IGF1R: variants seen among roughly 807,000 people sequenced by gnomAD.
The protein encoded by IGF1R is insulin like growth factor 1 receptor, also known as insulin-like growth factor 1 receptor.
In IGF1R, 44 loss-of-function variants were observed where a neutral mutation model predicts 144.6. The ratio of observed to expected loss-of-function variants is 0.30; its 90% CI spans 0.24 to 0.39. IGF1R has a LOEUF of 0.39. Among genes scored for constraint, IGF1R ranks in the 10% least tolerant of loss-of-function variants. The pLI, the probability that IGF1R is intolerant of heterozygous loss-of-function variation, is 1.00. For synonymous variants in IGF1R, 795 were observed against 722.8 expected (o/e 1.10, Z -1.60); for missense variants, 1,355 against 1,833.7 (o/e 0.74, Z 4.77).
At chr15:98,674,714 GTCTC>G (rs2052988338) in intron 1 of IGF1R, among the ~76,000 whole-genome samples, 1 of 152,040 alleles carries the variant, frequency 6.6e-6, no homozygotes, top group Admixed American at 6.5e-5. Flanking sequence ...TAAGTTTTCT[GTCTC>G]TCTATAAAAG....
Position 98,962,970 on chromosome 15 carries a change from G to A in IGF1R, c.*5528G>A, listed in dbSNP as rs113588178. Reference sequence around the variant, plus strand: ...TTTTATGTCCCACGTGTGTGTGTCCGCATCTTTCTGGTCAACATTGTTTTA... The same window carrying A: ...TTTTATGTCCCACGTGTGTGTGTCCACATCTTTCTGGTCAACATTGTTTTA... On this transcript the variant is annotated 3_prime_UTR_variant, in exon 21 of 21. Coordinates refer to ENST00000650285, the MANE Select transcript of IGF1R (RefSeq NM_000875.5). The A allele has an allele frequency of 2.6e-3, 598 of 233,584 alleles. 7 individuals are homozygous for A. The highest frequency in any genetic ancestry group is 0.012 in the African/African-American group (535 of 45,430). 14.5% of individuals were successfully genotyped at this position (233,584 alleles called of 1,614,324 possible). A position where few individuals can be genotyped will look rare whatever the true frequency, so the allele number is the denominator to read the frequency against.
In IGF1R at chr15:98,649,477, C is replaced by CT; in HGVS notation, c.-104dup. Reference sequence around the variant, plus strand: ...CTTGTTTTTGGAGGGGGAGCGAAGACTGAGTTTGAGACTTGTTTCCTTTCA... The same window carrying CT: ...CTTGTTTTTGGAGGGGGAGCGAAGACTTGAGTTTGAGACTTGTTTCCTTTCA... On this transcript the variant is annotated 5_prime_UTR_variant, in exon 1 of 21. Transcript: ENST00000650285. 1 of 807,416 alleles carries CT rather than the reference C, an allele frequency of 1.2e-6. No homozygotes were observed. Among genetic ancestry groups the CT allele is most frequent in the East Asian group, 2.7e-5 (1 of 36,540 alleles). 50.0% of individuals were successfully genotyped at this position (807,416 alleles called of 1,614,324 possible). A position where few individuals can be genotyped will look rare whatever the true frequency, so the allele number is the denominator to read the frequency against.
Position 98,807,034 on chromosome 15 carries a change from G to A in IGF1R, c.641-84291G>A, listed in dbSNP as rs189583815. On this transcript the variant is annotated intron_variant, in intron 2 of 20. Coordinates refer to ENST00000650285, the MANE Select transcript of IGF1R (RefSeq NM_000875.5). ...AAAAGAAAATTGGAGAATTTATAACGTCTGATGTGACCTGTTCTTTAGGTG... is the reference window on the plus strand; with the variant it reads ...AAAAGAAAATTGGAGAATTTATAACATCTGATGTGACCTGTTCTTTAGGTG... 1.9e-3 allele frequency among the ~76,000 whole-genome samples: 291 copies of A among 152,226 alleles called. 3 individuals are homozygous for A. Among genetic ancestry groups the A allele is most frequent in the African/African-American group, 6.7e-3 (280 of 41,534 alleles).
intron 2 of IGF1R, among the ~76,000 whole-genome samples, chr15:98,780,115 TAACA>T (rs971639824): frequency 2.0e-5 from 3 of 151,040 alleles, no homozygotes; most frequent in African/African-American, 7.3e-5. Flanking sequence ...ATTTATGTAA[TAACA>T]AACATTCGCA....
intron 2 of IGF1R, among the ~76,000 whole-genome samples, chr15:98,854,538 A>C (rs374972901): frequency 2.0e-5 from 3 of 152,290 alleles, no homozygotes; most frequent in African/African-American, 7.2e-5. Flanking sequence ...TCAGGGTGGC[A>C]GGGTGAATTC....
intron 2 of IGF1R, among the ~76,000 whole-genome samples, chr15:98,875,365 T>TA (rs2013010172): frequency 6.6e-6 from 1 of 150,752 alleles, no homozygotes. Context: ...TTTTTTTTTT[T>TA]AGGTGACTTG....
chr15:98,691,018 A>G (rs897084007), intron 1 of IGF1R, among the ~76,000 whole-genome samples: 3 of 152,226 alleles, frequency 2.0e-5, no homozygotes, highest in African/African-American at 7.2e-5. Context: ...GCGATAGTCT[A>G]GAGAGATCCC....
chr15:98,757,284 C>T (rs1308494007), intron 2 of IGF1R, among the ~76,000 whole-genome samples: 1 of 152,088 alleles, frequency 6.6e-6, no homozygotes, highest in Non-Finnish European at 1.5e-5. Flanking sequence ...CTGCCTCAGC[C>T]TCCTGAGTAG....
chr15:98,696,149 A>G (rs1053204432), intron 1 of IGF1R, among the ~76,000 whole-genome samples: 3 of 151,622 alleles, frequency 2.0e-5, no homozygotes. Flanking sequence ...TTTGCACCCA[A>G]GTGTCCAAAT....
At chr15:98,937,737 C>G (rs762902346) in intron 17 of IGF1R, among the ~76,000 whole-genome samples, 1 of 152,186 alleles carries the variant, frequency 6.6e-6, no homozygotes, top group African/African-American at 2.4e-5. Context: ...TTTCTCCATG[C>G]TTAAAGTTGA....
chr15:98,959,686 G>T lies in IGF1R; in HGVS notation c.*2244G>T, dbSNP rs145822592. ...TCACCAGAGAGATGACAGCACAAGA[G>T]TTGCTTCTGGGATAGAAATGTTTAG... is the stretch of plus-strand genomic sequence containing the variant. On this transcript the variant is annotated 3_prime_UTR_variant, in exon 21 of 21. Transcript: ENST00000650285. The T allele has an allele frequency of 3.9e-5, 9 of 233,682 alleles. No homozygotes were observed. Among genetic ancestry groups the T allele is most frequent in the Non-Finnish European group, 6.8e-5 (8 of 118,020 alleles). 14.5% of individuals were successfully genotyped at this position (233,682 alleles called of 1,614,324 possible). A position where few individuals can be genotyped will look rare whatever the true frequency, so the allele number is the denominator to read the frequency against.
chr15:98,905,433 A>G (rs1283501434), intron 5 of IGF1R, among the ~76,000 whole-genome samples: 1 of 151,988 alleles, frequency 6.6e-6, no homozygotes, highest in South Asian at 2.1e-4. Flanking sequence ...ATGGCAAGGC[A>G]TTGCTTGAGC....
chr15:98,662,647 T>G (rs573332430), intron 1 of IGF1R, among the ~76,000 whole-genome samples: 1 of 152,138 alleles, frequency 6.6e-6, no homozygotes, highest in African/African-American at 2.4e-5. Flanking sequence ...GCTATGAGTT[T>G]AGTGCTAAGT....
intron 2 of IGF1R, among the ~76,000 whole-genome samples, chr15:98,804,404 G>A (rs1175120687): frequency 4.6e-5 from 7 of 152,156 alleles, no homozygotes; most frequent in Non-Finnish European, 8.8e-5. Flanking sequence ...TGGGACTAAG[G>A]CAAGGAATTT....
At chr15:98,714,786 CAT>C (rs1388369374) in intron 2 of IGF1R, among the ~76,000 whole-genome samples, 2 of 152,164 alleles carry the variant, frequency 1.3e-5, no homozygotes, top group Non-Finnish European at 2.9e-5. Context: ...AGACTTCACT[CAT>C]GTGATGTGCA....
intron 2 of IGF1R, among the ~76,000 whole-genome samples, chr15:98,739,555 A>G (rs1277663067): frequency 1.3e-5 from 2 of 152,160 alleles, no homozygotes; most frequent in African/African-American, 4.8e-5. Context: ...TACTGCCTTT[A>G]TGAGATGATT....
intron 2 of IGF1R, among the ~76,000 whole-genome samples, chr15:98,852,523 A>G (rs1406376050): frequency 6.6e-6 from 1 of 152,168 alleles, no homozygotes; most frequent in African/African-American, 2.4e-5. Flanking sequence ...GGCATCCCGC[A>G]AGGATGCAGC....
intron 1 of IGF1R, among the ~76,000 whole-genome samples, chr15:98,658,255 TCTC>T (rs1250716962): frequency 2.0e-5 from 3 of 152,332 alleles, no homozygotes; most frequent in Admixed American, 1.3e-4. Context: ...CTCTGCTACT[TCTC>T]CTTCCATCCT....
In IGF1R at chr15:98,775,873, C is replaced by T. The variant is rs554631534; in HGVS notation, c.640+67766C>T. Among the ~76,000 whole-genome samples the T allele has an allele frequency of 2.0e-5, 3 of 152,356 alleles. 1 individual carries two copies. Among genetic ancestry groups the T allele is most frequent in the African/African-American group, 7.2e-5 (3 of 41,582 alleles). On this transcript the variant is annotated intron_variant, in intron 2 of 20. Coordinates refer to ENST00000650285, the MANE Select transcript of IGF1R (RefSeq NM_000875.5). ...ATCCTTTTTGGGGTCTGGGACCACA[C>T]TTTGAGAACCACTGGTCTATTAAAC...
Sources: allele counts gnomAD v4.1 joint callset (sites outside exome capture counted in the v4.1 genomes callset), GRCh38; gene constraint gnomAD v4.1.1; transcripts MANE v1.5; gene names NCBI Gene and HGNC (gene_info 2026-07-23, HGNC 2026-07-21).